PDE4B: variants seen among roughly 807,000 people sequenced by gnomAD.
PDE4B encodes the protein phosphodiesterase 4B, also known as 3',5'-cyclic-AMP phosphodiesterase 4B.
Under a neutral mutation model 82.2 loss-of-function variants are expected in PDE4B, and 20 were observed. The ratio of observed to expected loss-of-function variants is 0.24; its 90% confidence interval spans 0.17 to 0.35. The LOEUF is 0.35. PDE4B is among the 10% of genes least tolerant of loss of function. The pLI is 1.00. For missense variants in PDE4B, 655 were observed against 907.2 expected (o/e 0.72, Z 3.57); for synonymous variants, 320 against 318.9 (o/e 1.00, Z -0.04).
At chr1:66,000,030 C>T (rs1018996137) in intron 3 of PDE4B, among the ~76,000 whole-genome samples, 10 of 152,212 alleles carry the variant, frequency 6.6e-5, no homozygotes, top group African/African-American at 2.4e-4. Context: ...TATAATATCT[C>T]ACTAGAGCCT....
At chr1:66,182,248 A>G (rs1367051242) in intron 3 of PDE4B, among the ~76,000 whole-genome samples, 1 of 152,104 alleles carries the variant, frequency 6.6e-6, no homozygotes. Flanking sequence ...GCTTCGTTAT[A>G]TCTGTACCTA....
intron 3 of PDE4B, among the ~76,000 whole-genome samples, chr1:66,103,345 T>C (rs1645264178): frequency 6.6e-6 from 1 of 152,124 alleles, no homozygotes; most frequent in Non-Finnish European, 1.5e-5. Flanking sequence ...GAGTTGGAAC[T>C]TTACAATATT....
chr1:66,078,929 G>A (rs1656575452), intron 3 of PDE4B, among the ~76,000 whole-genome samples: 1 of 152,022 alleles, frequency 6.6e-6, no homozygotes, highest in Admixed American at 6.6e-5. Context: ...AGGAGAGAAA[G>A]AGACCCAATC....
rs572090670 is a variant in PDE4B, at chr1:65,896,008, G to A, written c.-70-17237G>A. On this transcript the variant is annotated intron_variant, in intron 1 of 16. Coordinates refer to ENST00000341517, the MANE Select transcript of PDE4B (RefSeq NM_002600.4). ...ATAGTAATTCCCTAAGAAGTGAATA[G>A]GAAGATTTTCTGTAACCTTTGCATT... Among the ~76,000 whole-genome samples the A allele has an allele frequency of 1.0e-3, 151 of 150,570 alleles. 1 individual carries two copies. The highest frequency in any genetic ancestry group is 3.5e-3 in the African/African-American group (144 of 41,170).
chr1:65,866,265 C>T (rs1646509259), intron 1 of PDE4B, among the ~76,000 whole-genome samples: 1 of 151,826 alleles, frequency 6.6e-6, no homozygotes, highest in South Asian at 2.1e-4. Context: ...AATGTAAGTA[C>T]AATTATAATG....
chr1:65,972,383 T>C (rs1202041067), intron 3 of PDE4B, among the ~76,000 whole-genome samples: 2 of 152,168 alleles, frequency 1.3e-5, no homozygotes, highest in Admixed American at 6.5e-5. Context: ...ATGCATTTGT[T>C]AGAGCCTGTG....
At chr1:66,265,697 T>TGTGAG (rs3031597) in intron 6 of PDE4B, among the ~76,000 whole-genome samples, 1 of 151,700 alleles carries the variant, frequency 6.6e-6, no homozygotes, top group Non-Finnish European at 1.5e-5. Flanking sequence ...ACTCTGGCAT[T>TGTGAG]TCGAGTGATG....
intron 1 of PDE4B, among the ~76,000 whole-genome samples, chr1:65,831,277 T>A (rs1483613587): frequency 1.3e-5 from 2 of 152,116 alleles, no homozygotes; most frequent in Non-Finnish European, 2.9e-5. Context: ...AGGATCAATA[T>A]AATTGGTAAA....
intron 3 of PDE4B, among the ~76,000 whole-genome samples, chr1:65,967,010 T>C (rs1288166502): frequency 1.3e-5 from 2 of 152,106 alleles, no homozygotes; most frequent in South Asian, 2.1e-4. Context: ...CCAAAAGCAA[T>C]GGCAACAAAA....
At chr1:66,035,855 C>T (rs952420222) in intron 3 of PDE4B, among the ~76,000 whole-genome samples, 1 of 152,138 alleles carries the variant, frequency 6.6e-6, no homozygotes, top group African/African-American at 2.4e-5. Context: ...TTTGTGTGTA[C>T]ACCCAGTAGT....
chr1:66,367,793 C>A lies in PDE4B; in HGVS notation c.1482C>A (p.Ile494=). ...FKLLQEEHCD[I]FMNLTKKQRQ... ...TGCTGCAAGAAGAACACTGTGACAT[C>A]TTCATGAATCTCACCAAGAAGCAGC... Residue 494 remains isoleucine (I), a synonymous_variant, in exon 14 of 17, where the codon ATC becomes ATA. Transcript: ENST00000341517. 6.2e-7 allele frequency: 1 copy of A among 1,613,888 alleles called. No individual in the cohort carries two copies. Among genetic ancestry groups the A allele is most frequent in the Non-Finnish European group, 8.5e-7 (1 of 1,179,850 alleles).
chr1:66,341,894 T>G (rs902713895), intron 8 of PDE4B, among the ~76,000 whole-genome samples: 1 of 152,240 alleles, frequency 6.6e-6, no homozygotes, highest in Admixed American at 6.5e-5. Flanking sequence ...AGCTCAAATA[T>G]AATTTCTAGA....
intron 3 of PDE4B, among the ~76,000 whole-genome samples, chr1:66,056,524 CTATCTATCATCT>C (rs762667185): frequency 0.057 from 4,608 of 81,454 alleles, 94 homozygotes; most frequent in South Asian, 0.16. Flanking sequence ...ATCTATCTAT[CTATCTATCATCT>C]ATCTATCTAT....
chr1:65,958,234 T>C (rs1193993190), intron 3 of PDE4B, among the ~76,000 whole-genome samples: 1 of 152,072 alleles, frequency 6.6e-6, no homozygotes, highest in Admixed American at 6.6e-5. Context: ...CTGCACTTAT[T>C]GAGATGGTTT....
intron 1 of PDE4B, among the ~76,000 whole-genome samples, chr1:65,855,067 TTCTC>T (rs1571020837): frequency 6.6e-6 from 1 of 151,630 alleles, no homozygotes; most frequent in African/African-American, 2.4e-5. Context: ...TACATTTAAT[TTCTC>T]TCTCATGTGT....
At chr1:66,223,993 A>C (rs1011012761) in intron 3 of PDE4B, among the ~76,000 whole-genome samples, 1 of 152,136 alleles carries the variant, frequency 6.6e-6, no homozygotes, top group Admixed American at 6.5e-5. Flanking sequence ...GTTATTTGCT[A>C]TCATTTTGAA....
chr1:66,192,619 G>C (rs1403575772), intron 3 of PDE4B, among the ~76,000 whole-genome samples: 3 of 152,112 alleles, frequency 2.0e-5, no homozygotes, highest in African/African-American at 7.2e-5. Flanking sequence ...AGAAATATAG[G>C]AAATATCCGT....
chr1:65,988,562 T>G (rs1320788504), intron 3 of PDE4B, among the ~76,000 whole-genome samples: 1 of 152,026 alleles, frequency 6.6e-6, no homozygotes, highest in Non-Finnish European at 1.5e-5. Flanking sequence ...GCTAGTGAAA[T>G]AAATAAAGAC....
At chr1:66,095,065 T>C (rs1381880047) in intron 3 of PDE4B, among the ~76,000 whole-genome samples, 1 of 151,916 alleles carries the variant, frequency 6.6e-6, no homozygotes, top group African/African-American at 2.4e-5. Context: ...AGCCTTGACC[T>C]GTATGCCCTT....
Sources: gnomAD v4.1 joint callset for allele counts (sites outside exome capture counted in the v4.1 genomes callset) on GRCh38, gnomAD v4.1.1 for gene constraint, MANE v1.5 for transcripts, NCBI Gene and HGNC (gene_info 2026-07-23, HGNC 2026-07-21) for gene names.